Variants in LINC00632 observed in about 807,000 individuals in gnomAD.
The protein encoded by LINC00632 is long independently transcribed non-coding RNA 632.
chrX:140,745,497 C>G lies in LINC00632; in HGVS notation n.191+11533C>G, dbSNP rs371880300. Among the ~76,000 whole-genome samples, 24 of 111,408 alleles carry G rather than the reference C, an allele frequency of 2.2e-4. No homozygotes were observed. The East Asian group carries it at 5.4e-3, about 25-fold the overall frequency. On this transcript the variant is annotated intron_variant and non_coding_transcript_variant, in intron 3 of 4. Coordinates refer to ENST00000648200, the Ensembl canonical transcript of LINC00632. ...GGGTACCAAAGTCTGACATAGCATT[C>G]CTGGTGAGTCTGACCATTCATTCCC...
At chrX:140,750,641 T>C (rs1245871500) in intron 3 of LINC00632, among the ~76,000 whole-genome samples, 1 of 111,145 alleles carries the variant, frequency 9.0e-6, no homozygotes, top group Non-Finnish European at 1.9e-5. Flanking sequence ...TTTATTTCAA[T>C]AGCTTTTGGG....
exon 5 of LINC00632, among the ~76,000 whole-genome samples, chrX:140,779,759 A>C (rs1307759060): frequency 8.9e-6 from 1 of 112,267 alleles, no homozygotes; most frequent in Non-Finnish European, 1.9e-5. Flanking sequence ...CGTAAAGCCA[A>C]AGATATAATT....
At chrX:140,787,249 T>C (rs1479905135) in exon 5 of LINC00632, among the ~76,000 whole-genome samples, 1 of 111,726 alleles carries the variant, frequency 9.0e-6, no homozygotes, top group Non-Finnish European at 1.9e-5. Flanking sequence ...TGTATGCTCT[T>C]GTAGGCACTT....
At chrX:140,720,680 C>T (rs1042463863) in intron 2 of LINC00632, among the ~76,000 whole-genome samples, 4 of 112,134 alleles carry the variant, frequency 3.6e-5, no homozygotes, top group African/African-American at 1.3e-4. Context: ...TATTATCGGA[C>T]ATGTCCGTAT....
intron 3 of LINC00632, among the ~76,000 whole-genome samples, chrX:140,769,478 A>ACC (rs751003439): frequency 1.0e-5 from 1 of 97,279 alleles, no homozygotes; most frequent in African/African-American, 3.8e-5. Flanking sequence ...TCTCCACCCC[A>ACC]CCCCCCCCAT....
rs371435163 is a variant in LINC00632, at chrX:140,729,012, T to A, written n.105-4866T>A. Among the ~76,000 whole-genome samples the A allele has an allele frequency of 3.6e-5, 4 of 110,605 alleles. No individual in the cohort carries two copies. The East Asian group carries it at 8.6e-4, about 24-fold the overall frequency. ...ACACACCCTGTCATCCACAGACACA[T>A]CCTATCACATGAAATCACCCCACAA... On this transcript the variant is annotated intron_variant and non_coding_transcript_variant, in intron 2 of 4. Transcript: ENST00000648200.
At chrX:140,737,994 G>C (rs1931168815) in intron 3 of LINC00632, among the ~76,000 whole-genome samples, 1 of 111,708 alleles carries the variant, frequency 9.0e-6, no homozygotes, top group Admixed American at 9.6e-5. Context: ...CCCAGTGGTG[G>C]TATTGCCCAT....
At chrX:140,749,128 A>T (rs771381681) in intron 3 of LINC00632, among the ~76,000 whole-genome samples, 1 of 110,280 alleles carries the variant, frequency 9.1e-6, no homozygotes, top group East Asian at 2.9e-4. Flanking sequence ...TGAAGATAAG[A>T]GTAATTCAGC....
At chrX:140,784,068 A>G in exon 5 of LINC00632, 3 of 1,211,181 alleles carry the variant, frequency 2.5e-6, no homozygotes, top group Non-Finnish European at 3.4e-6. Context: ...CGTGTCTTCC[A>G]GCAAGTCCAC....
intron 2 of LINC00632, chrX:140,712,375 A>G (rs1255313906): frequency 2.9e-5 from 3 of 104,903 alleles, no homozygotes; most frequent in Non-Finnish European, 3.9e-5. Context: ...AAAAAAAAAA[A>G]TACCCCCGGG....
chrX:140,714,208 T>G, intron 2 of LINC00632: 1 of 162,281 alleles, frequency 6.2e-6, no homozygotes. Flanking sequence ...ACAAAGACTC[T>G]CCCACAACAG....
At chrX:140,713,873 C>G (rs1483503073) in intron 2 of LINC00632, 2 of 288,670 alleles carry the variant, frequency 6.9e-6, no homozygotes, top group East Asian at 1.0e-4. Context: ...ACAGACAATC[C>G]CAACATCACA....
chrX:140,763,540 T>G (rs1034326431), intron 3 of LINC00632, among the ~76,000 whole-genome samples: 6 of 111,694 alleles, frequency 5.4e-5, no homozygotes, highest in Non-Finnish European at 1.1e-4. Flanking sequence ...GAGACTCAAT[T>G]TTAACTGGGT....
At chrX:140,739,985 T>TA (rs1173431369) in intron 3 of LINC00632, among the ~76,000 whole-genome samples, 3 of 112,427 alleles carry the variant, frequency 2.7e-5, no homozygotes, top group Admixed American at 1.9e-4. Flanking sequence ...TGATTCTCTT[T>TA]AAAATTTTAT....
chrX:140,740,766 T>G (rs1265748853), intron 3 of LINC00632, among the ~76,000 whole-genome samples: 1 of 111,458 alleles, frequency 9.0e-6, no homozygotes. Context: ...TAATAATTTT[T>G]GAAAAAGGGG....
At chrX:140,781,351 CTG>C (rs1445974321) in exon 5 of LINC00632, among the ~76,000 whole-genome samples, 1 of 111,300 alleles carries the variant, frequency 9.0e-6, no homozygotes, top group East Asian at 2.8e-4. Context: ...TATGTCCAGT[CTG>C]TAGGGGTGGG....
At chrX:140,770,732 C>T (rs1351147007) in intron 3 of LINC00632, among the ~76,000 whole-genome samples, 1 of 111,687 alleles carries the variant, frequency 9.0e-6, no homozygotes, top group Non-Finnish European at 1.9e-5. Flanking sequence ...CCGATTCCCT[C>T]AGTTCTTCCA....
At chrX:140,788,837 A>G (rs953081956) in exon 5 of LINC00632, among the ~76,000 whole-genome samples, 14 of 87,013 alleles carry the variant, frequency 1.6e-4, no homozygotes, top group Non-Finnish European at 3.7e-4. Flanking sequence ...ATACACATAT[A>G]TGTATATATG....
At chrX:140,790,090 A>G (rs1189143687) in exon 5 of LINC00632, among the ~76,000 whole-genome samples, 4 of 111,225 alleles carry the variant, frequency 3.6e-5, no homozygotes, top group Admixed American at 9.6e-5. Flanking sequence ...TGTGTTGTCC[A>G]CACTGGTCTT....
Sources: gnomAD v4.1 joint callset for allele counts (sites outside exome capture counted in the v4.1 genomes callset) on GRCh38, gnomAD v4.1.1 for gene constraint, MANE v1.5 for transcripts, NCBI Gene and HGNC (gene_info 2026-07-23, HGNC 2026-07-21) for gene names.